Variants in ADGRB3 observed in about 807,000 individuals in gnomAD.
The protein encoded by ADGRB3 is adhesion G protein-coupled receptor B3, also known as brain-specific angiogenesis inhibitor 3.
In ADGRB3, 37 loss-of-function variants were observed where a neutral mutation model predicts 193.4. That is an observed-to-expected ratio of 0.19 (90% CI 0.15 to 0.25). The LOEUF is 0.25. Ranked by LOEUF, ADGRB3 falls within the 10% of genes least tolerant of loss-of-function variation. The pLI, the probability that ADGRB3 is intolerant of heterozygous loss-of-function variation, is 1.00. For missense variants in ADGRB3, 1,637 were observed against 1,852.9 expected (o/e 0.88, Z 2.14); for synonymous variants, 690 against 644.2 (o/e 1.07, Z -1.08).
chr6:68,920,579 G>A lies in ADGRB3; in HGVS notation c.758-9980G>A, dbSNP rs79711275. 1.7e-3 allele frequency among the ~76,000 whole-genome samples: 227 copies of A among 134,336 alleles called. 6 individuals carry two copies. The East Asian group carries it at 0.048, about 28-fold the overall frequency. The allele number at this position is 134,336 out of a possible 152,430, so 88.1% of individuals were successfully genotyped here. The stretch of plus-strand genomic sequence containing the variant: ...AGGTATAGAAGTCGTTCTCTTATAA[G>A]AAGACTCGTGGGCAACACTGGATAC... On this transcript the variant is annotated intron_variant, in intron 3 of 31. Transcript: ENST00000370598.
In ADGRB3 at chr6:69,213,592, G is replaced by A. The variant is rs1582550315; in HGVS notation, c.2481-19698G>A. 2.0e-5 allele frequency among the ~76,000 whole-genome samples: 3 copies of A among 152,194 alleles called. No individual in the cohort carries two copies. The East Asian group carries it at 5.8e-4, about 29-fold the overall frequency. ...CCATATTTATCACAGGCTTTATTTA[G>A]ACTCCATCTCTAGCAAAAGTACAGA... On this transcript the variant is annotated intron_variant, in intron 17 of 31. Coordinates refer to ENST00000370598, the MANE Select transcript of ADGRB3 (RefSeq NM_001704.3).
At chr6:68,674,203 A>G (rs1463578635) in intron 3 of ADGRB3, among the ~76,000 whole-genome samples, 2 of 152,248 alleles carry the variant, frequency 1.3e-5, no homozygotes, top group Non-Finnish European at 1.5e-5. Flanking sequence ...GGATTTTCTG[A>G]TGTTAATAGT....
intron 3 of ADGRB3, among the ~76,000 whole-genome samples, chr6:68,879,709 T>C (rs1582278181): frequency 6.6e-6 from 1 of 152,236 alleles, no homozygotes; most frequent in East Asian, 1.9e-4. Flanking sequence ...CACACCCCCA[T>C]ACCTGAGCTT....
At chr6:68,662,006 A>T (rs1768674358) in intron 3 of ADGRB3, among the ~76,000 whole-genome samples, 1 of 151,520 alleles carries the variant, frequency 6.6e-6, no homozygotes, top group Admixed American at 6.6e-5. Flanking sequence ...AGAGGGAAAT[A>T]AAAGGCTTCA....
chr6:68,736,706 A>G (rs543672114), intron 3 of ADGRB3, among the ~76,000 whole-genome samples: 1 of 152,270 alleles, frequency 6.6e-6, no homozygotes, highest in African/African-American at 2.4e-5. Flanking sequence ...TTGAATAAAT[A>G]ATTTTAGTTG....
chr6:69,146,418 G>A (rs1261618056), intron 17 of ADGRB3, among the ~76,000 whole-genome samples: 1 of 152,228 alleles, frequency 6.6e-6, no homozygotes, highest in Non-Finnish European at 1.5e-5. Flanking sequence ...CTCTGAGAGT[G>A]CAGAGATGCC....
intron 3 of ADGRB3, among the ~76,000 whole-genome samples, chr6:68,777,529 G>A (rs2127359535): frequency 6.6e-6 from 1 of 151,972 alleles, no homozygotes; most frequent in African/African-American, 2.4e-5. Context: ...AAAAGGCACA[G>A]GTGTAAGGGA....
intron 3 of ADGRB3, among the ~76,000 whole-genome samples, chr6:68,674,348 A>C (rs1273340622): frequency 7.2e-5 from 11 of 152,212 alleles, no homozygotes; most frequent in Admixed American, 7.2e-4. Flanking sequence ...AGACAATAGA[A>C]GGGAATTTTT....
chr6:68,769,455 G>T (rs551613580), intron 3 of ADGRB3, among the ~76,000 whole-genome samples: 76 of 152,166 alleles, frequency 5.0e-4, no homozygotes, highest in African/African-American at 1.8e-3. Context: ...ACCAAACACC[G>T]CTTGTTCTCA....
At chr6:68,793,141 G>T (rs1002245822) in intron 3 of ADGRB3, among the ~76,000 whole-genome samples, 1 of 151,970 alleles carries the variant, frequency 6.6e-6, no homozygotes, top group Non-Finnish European at 1.5e-5. Flanking sequence ...GCACATAATT[G>T]TAACTAAGTA....
At chr6:69,198,416 A>T (rs1765344374) in intron 17 of ADGRB3, among the ~76,000 whole-genome samples, 1 of 152,124 alleles carries the variant, frequency 6.6e-6, no homozygotes, top group Admixed American at 6.6e-5. Flanking sequence ...ATTAGTTAAG[A>T]TAACTAGTCT....
chr6:69,182,843 G>A (rs1764955365), intron 17 of ADGRB3, among the ~76,000 whole-genome samples: 1 of 151,958 alleles, frequency 6.6e-6, no homozygotes, highest in South Asian at 2.1e-4. Flanking sequence ...TAACATTGCT[G>A]AACAATAAAA....
chr6:69,308,184 C>A (rs1174200905), intron 20 of ADGRB3, among the ~76,000 whole-genome samples: 1 of 151,428 alleles, frequency 6.6e-6, no homozygotes, highest in East Asian at 1.9e-4. Context: ...AGTTTGAGTC[C>A]TGGCTCTGCC....
At chr6:68,949,737 T>C in intron 6 of ADGRB3, among the ~76,000 whole-genome samples, 1 of 152,174 alleles carries the variant, frequency 6.6e-6, no homozygotes, top group East Asian at 1.9e-4. Flanking sequence ...TGTATGACAA[T>C]TATATTTGTT....
intron 3 of ADGRB3, among the ~76,000 whole-genome samples, chr6:68,649,153 A>C (rs1423921773): frequency 2.0e-5 from 3 of 152,152 alleles, no homozygotes; most frequent in Non-Finnish European, 4.4e-5. Flanking sequence ...CAGAGCTATA[A>C]ATTTTCTCAC....
chr6:69,130,240 C>G (rs1464548995), intron 17 of ADGRB3, among the ~76,000 whole-genome samples: 3 of 151,928 alleles, frequency 2.0e-5, no homozygotes, highest in Non-Finnish European at 2.9e-5. Flanking sequence ...ACATCTCCAT[C>G]CTCAAGACCT....
intron 6 of ADGRB3, among the ~76,000 whole-genome samples, chr6:68,953,894 T>C (rs1008167502): frequency 6.6e-6 from 1 of 152,230 alleles, no homozygotes; most frequent in Non-Finnish European, 1.5e-5. Context: ...TTTAGATTTG[T>C]GGTGAATTCT....
At chr6:68,907,024 A>G (rs973060928) in intron 3 of ADGRB3, among the ~76,000 whole-genome samples, 1 of 151,942 alleles carries the variant, frequency 6.6e-6, no homozygotes, top group African/African-American at 2.4e-5. Flanking sequence ...ACCTCAAATG[A>G]AAATAATATA....
intron 13 of ADGRB3, among the ~76,000 whole-genome samples, chr6:69,035,779 G>A (rs1033524029): frequency 6.6e-6 from 1 of 152,106 alleles, no homozygotes; most frequent in African/African-American, 2.4e-5. Flanking sequence ...ACAACTTTAA[G>A]CTATGTTTTA....
Sources: allele counts gnomAD v4.1 joint callset (sites outside exome capture counted in the v4.1 genomes callset), GRCh38; gene constraint gnomAD v4.1.1; transcripts MANE v1.5; gene names NCBI Gene and HGNC (gene_info 2026-07-23, HGNC 2026-07-21).